Variants in NXPE2 observed in about 807,000 individuals in gnomAD.
The protein encoded by NXPE2 is neurexophilin and PC-esterase domain family member 2, also known as NXPE family member 2.
Under a neutral mutation model 34.4 loss-of-function variants are expected in NXPE2, and 34 were observed. That is an observed-to-expected ratio of 0.99 (90% CI 0.75 to 1.31). The LOEUF (loss-of-function observed/expected upper bound fraction) is 1.31, where lower values mean the gene tolerates loss of function less well. NXPE2 is among the 40% of genes most tolerant of loss of function. NXPE2 has a pLI of 0.00. For synonymous variants in NXPE2, 235 were observed against 231.3 expected (o/e 1.02, Z -0.15); for missense variants, 649 against 672.5 (o/e 0.97, Z 0.39).
chr11:114,767,939 T>G, the NXPE2 span, among the ~76,000 whole-genome samples: 1 of 152,158 alleles, frequency 6.6e-6, no homozygotes, highest in African/African-American at 2.4e-5. Flanking sequence ...AATAATCTCC[T>G]AAGCTTCAAT....
chr11:114,693,245 C>T (rs1307938796), intron 2 of NXPE2, among the ~76,000 whole-genome samples: 1 of 152,110 alleles, frequency 6.6e-6, no homozygotes, highest in Non-Finnish European at 1.5e-5. Context: ...GGGAAACCTT[C>T]TTCTTGCCCC....
chr11:114,639,865 T>TAAATATAAAATATAATATATA, the NXPE2 span, among the ~76,000 whole-genome samples: 29 of 52,658 alleles, frequency 5.5e-4, no homozygotes, highest in Admixed American at 4.1e-3. Context: ...TATATTATAT[T>TAAATATAAAATATAATATATA]TTATATTAAA....
the NXPE2 span, among the ~76,000 whole-genome samples, chr11:114,489,539 AAGGCTGG>A: frequency 1.2e-4 from 18 of 152,360 alleles, no homozygotes; most frequent in East Asian, 3.5e-3. Flanking sequence ...CCTGGGATGC[AAGGCTGG>A]TTCAACATAT....
chr11:114,487,258 G>A, the NXPE2 span, among the ~76,000 whole-genome samples: 2 of 151,946 alleles, frequency 1.3e-5, no homozygotes, highest in Non-Finnish European at 2.9e-5. Context: ...TATAACTATT[G>A]TAAATTGAAT....
the NXPE2 span, chr11:114,513,330 T>C: frequency 4.5e-6 from 2 of 445,546 alleles, no homozygotes; most frequent in African/African-American, 2.0e-5. Flanking sequence ...AGTTTCTCCA[T>C]GATTTCCTTT....
chr11:114,631,865 G>A, the NXPE2 span, among the ~76,000 whole-genome samples: 3 of 150,932 alleles, frequency 2.0e-5, no homozygotes, highest in Non-Finnish European at 4.4e-5. Context: ...TTGTGTCGTG[G>A]GTAACCGCTG....
At chr11:114,686,830 A>G (rs1290504116) in intron 2 of NXPE2, among the ~76,000 whole-genome samples, 2 of 152,134 alleles carry the variant, frequency 1.3e-5, no homozygotes, top group African/African-American at 4.8e-5. Flanking sequence ...GTGAGATGGT[A>G]CCTCACTGGA....
At chr11:114,497,255 A>G in the NXPE2 span, among the ~76,000 whole-genome samples, 4 of 152,208 alleles carry the variant, frequency 2.6e-5, no homozygotes. Flanking sequence ...TTAAAAAGAA[A>G]AATAATTTAA....
the NXPE2 span, among the ~76,000 whole-genome samples, chr11:114,469,109 C>CTTTTTTTTTTTTTTTT: frequency 1.1e-5 from 1 of 88,864 alleles, no homozygotes; most frequent in Non-Finnish European, 2.0e-5. Context: ...ACAGTGCTAG[C>CTTTTTTTTTTTTTTTT]TTTTTTTTTT....
the NXPE2 span, among the ~76,000 whole-genome samples, chr11:114,551,598 A>G: frequency 2.0e-5 from 3 of 152,336 alleles, no homozygotes; most frequent in East Asian, 5.8e-4. Context: ...CCACAGGAAT[A>G]TGCTCGTATT....
chr11:114,640,765 G>A, the NXPE2 span, among the ~76,000 whole-genome samples: 77 of 152,060 alleles, frequency 5.1e-4, 1 homozygote, highest in South Asian at 0.016. Context: ...TTTGAAAAAT[G>A]TGTGTCCATG....
the NXPE2 span, among the ~76,000 whole-genome samples, chr11:114,724,888 TG>T: frequency 2.3e-3 from 220 of 96,512 alleles, 2 homozygotes; most frequent in Middle Eastern, 0.017. Flanking sequence ...CCTTCAGAAA[TG>T]GTTTTTTTTT....
the NXPE2 span, among the ~76,000 whole-genome samples, chr11:114,811,417 G>A: frequency 6.6e-6 from 1 of 152,122 alleles, no homozygotes. Context: ...TAGGGATAGG[G>A]GGTGTCTCTT....
At chr11:114,649,954 AATTAT>A in the NXPE2 span, among the ~76,000 whole-genome samples, 3 of 152,206 alleles carry the variant, frequency 2.0e-5, no homozygotes, top group Admixed American at 6.5e-5. Context: ...GAAATGGATG[AATTAT>A]ATTATATGTA....
chr11:114,582,469 A>G, the NXPE2 span: 1 of 1,614,146 alleles, frequency 6.2e-7, no homozygotes, highest in Non-Finnish European at 8.5e-7. Flanking sequence ...CCACATTCAG[A>G]GTGGACTTGG....
chr11:114,495,603 G>T, the NXPE2 span, among the ~76,000 whole-genome samples: 3 of 151,574 alleles, frequency 2.0e-5, no homozygotes, highest in Admixed American at 6.6e-5. Context: ...AGCCACCACA[G>T]CTGAGAATGT....
chr11:114,705,231 A>G (rs989744337), intron 4 of NXPE2, among the ~76,000 whole-genome samples: 1 of 152,220 alleles, frequency 6.6e-6, no homozygotes, highest in Non-Finnish European at 1.5e-5. Context: ...TGAGAATATT[A>G]CATTCAGTTC....
At chr11:114,522,516 C>G in the NXPE2 span, 76 of 1,555,516 alleles carry the variant, frequency 4.9e-5, no homozygotes, top group Non-Finnish European at 6.4e-5. Context: ...GATAAAAAAA[C>G]AAATAGATGT....
the NXPE2 span, among the ~76,000 whole-genome samples, chr11:114,739,920 C>T: frequency 6.6e-6 from 1 of 152,098 alleles, no homozygotes; most frequent in Non-Finnish European, 1.5e-5. Flanking sequence ...AGGATTTCTT[C>T]TTTTGTTAAG....
Sources: allele counts gnomAD v4.1 joint callset (sites outside exome capture counted in the v4.1 genomes callset), GRCh38; gene constraint gnomAD v4.1.1; transcripts MANE v1.5; gene names NCBI Gene and HGNC (gene_info 2026-07-23, HGNC 2026-07-21).